AP3B1: variants seen among roughly 807,000 people sequenced by gnomAD.
AP3B1 encodes adaptor related protein complex 3 subunit beta 1.
Under a neutral mutation model 132.5 loss-of-function variants are expected in AP3B1, and 61 were observed. The ratio of observed to expected loss-of-function variants is 0.46; its 90% CI spans 0.37 to 0.57. The LOEUF (loss-of-function observed/expected upper bound fraction) is 0.57, where lower values mean the gene tolerates loss of function less well. Ranked by LOEUF, AP3B1 falls within the 20% of genes least tolerant of loss-of-function variation. The pLI is 0.00. For missense variants in AP3B1, 1,120 were observed against 1,289.4 expected (o/e 0.87, Z 2.01); for synonymous variants, 388 against 438.3 (o/e 0.89, Z 1.43).
At chr5:78,059,457 G>T (rs1748950622) in intron 22 of AP3B1, among the ~76,000 whole-genome samples, 2 of 152,178 alleles carry the variant, frequency 1.3e-5, no homozygotes, top group Non-Finnish European at 2.9e-5. Context: ...CCCCTGTTCT[G>T]AATTCTTATG....
At chr5:78,168,826 T>C (rs1446126400) in intron 11 of AP3B1, among the ~76,000 whole-genome samples, 2 of 152,228 alleles carry the variant, frequency 1.3e-5, no homozygotes, top group East Asian at 1.9e-4. Flanking sequence ...TATCACATAC[T>C]GTATTAAGTT....
In AP3B1 at chr5:78,181,654, T is replaced by C; in HGVS notation, c.795A>G (p.Glu265=). The change falls in exon 8 of 27, where the codon GAA becomes GAG. Residue 265 remains glutamate (E), a synonymous_variant. Transcript: ENST00000255194. ...AGAAATTCTTTCCATTGTCTTCTAA[T>C]TCATCACCCTACAATGAAAGAAATC... is the stretch of plus-strand genomic sequence containing the variant. ...QFVSPWKEGD[E]LEDNGKNFYE... is the part of the protein sequence containing the mutation. The C allele has an allele frequency of 6.2e-7, 1 of 1,612,030 alleles. No individual in the cohort carries two copies. Among genetic ancestry groups the C allele is most frequent in the Non-Finnish European group, 8.5e-7 (1 of 1,179,428 alleles).
chr5:78,249,342 C>T (rs559208266), intron 2 of AP3B1, among the ~76,000 whole-genome samples: 21 of 152,068 alleles, frequency 1.4e-4, no homozygotes, highest in Admixed American at 5.9e-4. Flanking sequence ...CCAGCCTGGG[C>T]GACAAGAGTG....
intron 15 of AP3B1, among the ~76,000 whole-genome samples, chr5:78,134,791 T>G (rs1752840898): frequency 6.6e-6 from 1 of 152,100 alleles, no homozygotes; most frequent in African/African-American, 2.4e-5. Context: ...GATCTGCCCG[T>G]CTCGGCCTCC....
chr5:78,224,281 C>T (rs1580509551), intron 6 of AP3B1, among the ~76,000 whole-genome samples: 1 of 151,970 alleles, frequency 6.6e-6, no homozygotes, highest in African/African-American at 2.4e-5. Context: ...ACACTACAGA[C>T]TAACAGAAAT....
intron 11 of AP3B1, among the ~76,000 whole-genome samples, chr5:78,168,943 T>G (rs970106179): frequency 6.6e-6 from 1 of 152,206 alleles, no homozygotes; most frequent in African/African-American, 2.4e-5. Context: ...TCCTTGAATT[T>G]GGGTATAATT....
chr5:78,212,456 C>G (rs1363404423), intron 7 of AP3B1, among the ~76,000 whole-genome samples: 1 of 151,910 alleles, frequency 6.6e-6, no homozygotes, highest in Non-Finnish European at 1.5e-5. Context: ...ACTTTTATGT[C>G]GATACATTGT....
intron 19 of AP3B1, 47 bp from the exon 20 acceptor site, chr5:78,110,401 AT>A (rs1233678785): frequency 2.8e-6 from 4 of 1,426,344 alleles, no homozygotes; most frequent in Non-Finnish European, 2.9e-6. Flanking sequence ...ACTCCTTTAT[AT>A]AAGCAGTTTA....
intron 14 of AP3B1, among the ~76,000 whole-genome samples, chr5:78,143,064 A>T (rs1310272180): frequency 6.6e-6 from 1 of 152,126 alleles, no homozygotes; most frequent in Non-Finnish European, 1.5e-5. Context: ...TGCAACTTCA[A>T]ATTTCAGTTA....
At chr5:78,149,066 T>C (rs1753536515) in intron 14 of AP3B1, among the ~76,000 whole-genome samples, 1 of 152,122 alleles carries the variant, frequency 6.6e-6, no homozygotes, top group South Asian at 2.1e-4. Context: ...CGGTAGACAT[T>C]GATCATGTCA....
chr5:78,105,690 CAATT>C (rs1304415486), intron 20 of AP3B1, among the ~76,000 whole-genome samples: 7 of 152,138 alleles, frequency 4.6e-5, no homozygotes, highest in South Asian at 2.1e-4. Flanking sequence ...AAATATTTCT[CAATT>C]AAATATATCT....
rs117837589 is a variant in AP3B1 at position 78,284,973 on chromosome 5, G to A, written c.128+9479C>T. On this transcript the variant is annotated intron_variant, in intron 1 of 26. Transcript: ENST00000255194. The stretch of plus-strand genomic sequence containing the variant: ...CTTAAAAATATACTAATGGCCAGGC[G>A]CGGTGGCCCACGCCTGTAAATCCCA... 1.7e-3 allele frequency among the ~76,000 whole-genome samples: 252 copies of A among 152,236 alleles called. 7 individuals carry two copies. In the East Asian group the frequency reaches 0.047, roughly 28 times the overall value.
chr5:78,146,626 G>C (rs761558277), intron 14 of AP3B1, among the ~76,000 whole-genome samples: 1 of 151,806 alleles, frequency 6.6e-6, no homozygotes, highest in Non-Finnish European at 1.5e-5. Flanking sequence ...TATATTTTTT[G>C]TATTCTATTT....
At chr5:78,119,530 C>T (rs1752054429) in intron 17 of AP3B1, among the ~76,000 whole-genome samples, 1 of 152,070 alleles carries the variant, frequency 6.6e-6, no homozygotes, top group Non-Finnish European at 1.5e-5. Flanking sequence ...GGCTCGAGAA[C>T]TATGTGAAGA....
At chr5:78,056,547 T>A (rs376031986) in intron 22 of AP3B1, among the ~76,000 whole-genome samples, 1 of 152,168 alleles carries the variant, frequency 6.6e-6, no homozygotes, top group Non-Finnish European at 1.5e-5. Flanking sequence ...TATAACAACA[T>A]TGCTGTATTT....
chr5:78,027,547 T>C (rs1259071292), intron 24 of AP3B1, among the ~76,000 whole-genome samples: 1 of 152,104 alleles, frequency 6.6e-6, no homozygotes, highest in Non-Finnish European at 1.5e-5. Flanking sequence ...TCCAGCTGAA[T>C]GTTAGAAGTT....
At chr5:78,180,425 A>T (rs1346250253) in intron 8 of AP3B1, among the ~76,000 whole-genome samples, 1 of 152,102 alleles carries the variant, frequency 6.6e-6, no homozygotes, top group Admixed American at 6.5e-5. Context: ...ATTAAATGAC[A>T]CTATAAAAGA....
intron 8 of AP3B1, among the ~76,000 whole-genome samples, chr5:78,178,131 G>A (rs1580449730): frequency 6.6e-6 from 1 of 152,232 alleles, no homozygotes; most frequent in East Asian, 1.9e-4. Flanking sequence ...GGCTTTTTAA[G>A]AATTATAAGC....
rs531499228 is a variant in AP3B1 at position 78,188,456 on chromosome 5, G to A, written c.787-6794C>T. 5.9e-5 allele frequency among the ~76,000 whole-genome samples: 9 copies of A among 152,280 alleles called. No individual in the cohort carries two copies. In the South Asian group the frequency reaches 1.9e-3, roughly 32 times the overall value. On this transcript the variant is annotated intron_variant, in intron 7 of 26. Transcript: ENST00000255194. ...ACACTTCTCAAAAAAAGATATACAT[G>A]CAGCCAAGAAACATATGAAAAATAG...
Sources: allele counts gnomAD v4.1 joint callset (sites outside exome capture counted in the v4.1 genomes callset), GRCh38; gene constraint gnomAD v4.1.1; transcripts MANE v1.5; gene names NCBI Gene and HGNC (gene_info 2026-07-23, HGNC 2026-07-21).